The following LIMA1 variants were observed in gnomAD, a reference collection of about 807,000 sequenced individuals.
LIMA1 encodes LIM domain and actin-binding protein 1.
A neutral mutation model predicts 62.6 loss-of-function variants in LIMA1; 52 were observed. The observed-to-expected ratio is 0.83, with a 90% CI of 0.67 to 1.05. The LOEUF is 1.05. LIMA1 is among the 50% of genes least tolerant of loss of function. The probability of loss-of-function intolerance (pLI) is 0.00; values close to 1 mark genes in which losing one functional copy is unlikely to be tolerated. For synonymous variants in LIMA1, 302 were observed against 317.8 expected (o/e 0.95, Z 0.53); for missense variants, 780 against 902.2 (o/e 0.86, Z 1.74).
chr12:50,233,449 G>T (rs1397111543), intron 2 of LIMA1, among the ~76,000 whole-genome samples: 1 of 152,134 alleles, frequency 6.6e-6, no homozygotes, highest in Non-Finnish European at 1.5e-5. Context: ...TAGTCACATT[G>T]CCTGTACATG....
chr12:50,234,936 G>A (rs12322688), intron 2 of LIMA1, among the ~76,000 whole-genome samples: 2 of 152,008 alleles, frequency 1.3e-5, no homozygotes, highest in African/African-American at 2.4e-5. Flanking sequence ...CCTTGAGCCA[G>A]GGAGGTTGAG....
chr12:50,228,897 T>G (rs1941569657), intron 3 of LIMA1, among the ~76,000 whole-genome samples: 1 of 152,236 alleles, frequency 6.6e-6, no homozygotes, highest in South Asian at 2.1e-4. Flanking sequence ...ATTTTTTACT[T>G]TTTGTAATAG....
intron 1 of LIMA1, among the ~76,000 whole-genome samples, chr12:50,275,753 CAG>C (rs1043632829): frequency 3.1e-4 from 47 of 152,252 alleles, no homozygotes; most frequent in African/African-American, 1.1e-3. Context: ...GTCCAGGAAA[CAG>C]AGAATTATTG....
intron 1 of LIMA1, among the ~76,000 whole-genome samples, chr12:50,271,339 A>C (rs1298962511): frequency 1.3e-5 from 2 of 152,162 alleles, no homozygotes; most frequent in Non-Finnish European, 2.9e-5. Context: ...GAACTTTCCT[A>C]ATCTTTTTTT....
At chr12:50,201,589 T>C (rs1327907969) in intron 6 of LIMA1, 2 of 906,394 alleles carry the variant, frequency 2.2e-6, no homozygotes, top group East Asian at 1.2e-4. Flanking sequence ...AATTAACTCA[T>C]CTATTACATC....
chr12:50,201,224 T>C, intron 6 of LIMA1: 1 of 1,047,274 alleles, frequency 9.5e-7, no homozygotes, highest in Non-Finnish European at 1.1e-6. Context: ...AATGCAAAGC[T>C]TGTGAGTTTT....
At chr12:50,183,668 G>A (rs530725217) in intron 9 of LIMA1, among the ~76,000 whole-genome samples, 10 of 151,818 alleles carry the variant, frequency 6.6e-5, no homozygotes, top group Non-Finnish European at 1.3e-4. Context: ...AAAATTAGCC[G>A]GGCATGGTGG....
rs1229122856 is a variant in LIMA1 at position 50,206,040 on chromosome 12, C to T, written c.659G>A (p.Ser220Asn). The change falls in exon 5 of 11, where the codon AGT becomes AAT. Residue 220 changes from serine (S) to asparagine (N), a missense_variant. Transcript: ENST00000341247. ...KILRAQSRSA[S>N]GRKISENSYS... ...GCTGTTTTCAGAGATCTTCCTTCCA[C>T]TTGCACTTCGGCTTTGGGCCCGGAG... 2 of 1,613,040 alleles carry T rather than the reference C, an allele frequency of 1.2e-6. No homozygotes were observed. Among genetic ancestry groups the T allele is most frequent in the South Asian group, 1.1e-5 (1 of 90,990 alleles).
At chr12:50,203,371 C>A (rs569262863) in intron 6 of LIMA1, among the ~76,000 whole-genome samples, 1 of 151,640 alleles carries the variant, frequency 6.6e-6, no homozygotes, top group South Asian at 2.1e-4. Flanking sequence ...AAGCACAGGA[C>A]AACGTAAAGG....
intron 9 of LIMA1, chr12:50,189,560 G>A (rs1940705704): frequency 6.6e-6 from 1 of 152,222 alleles, no homozygotes; most frequent in Non-Finnish European, 1.5e-5. Context: ...AACGAGTGAA[G>A]TAGCCCCTCA....
intron 4 of LIMA1, among the ~76,000 whole-genome samples, chr12:50,220,796 T>G (rs1941427795): frequency 6.6e-6 from 1 of 152,216 alleles, no homozygotes; most frequent in Non-Finnish European, 1.5e-5. Context: ...TCTAAAAACT[T>G]GAGAGGGAAG....
chr12:50,280,526 T>A (rs1942328939), intron 1 of LIMA1, among the ~76,000 whole-genome samples: 1 of 152,242 alleles, frequency 6.6e-6, no homozygotes, highest in Non-Finnish European at 1.5e-5. Flanking sequence ...TGGTATCATG[T>A]TAACTTCTTA....
chr12:50,268,594 AATTATT>A (rs140101130), intron 1 of LIMA1, among the ~76,000 whole-genome samples: 12 of 149,188 alleles, frequency 8.0e-5, no homozygotes, highest in South Asian at 4.3e-4. Flanking sequence ...GCCATGAAGC[AATTATT>A]ATTATTATTA....
Position 50,176,837 on chromosome 12 carries a change from C to T in LIMA1, c.*227G>A. ...GCCTTACAGCACTTATGCATATCAT[C>T]ACTGCTAAAATGAAGAATTTAAGTA... On this transcript the variant is annotated 3_prime_UTR_variant, in exon 11 of 11. Coordinates refer to ENST00000341247, the MANE Select transcript of LIMA1 (RefSeq NM_016357.5). 2.2e-6 allele frequency: 1 copy of T among 450,860 alleles called. No individual in the cohort carries two copies. Among genetic ancestry groups the T allele is most frequent in the South Asian group, 4.9e-5 (1 of 20,562 alleles). The allele number at this position is 450,860 out of a possible 1,614,324, so 27.9% of individuals were successfully genotyped here.
intron 8 of LIMA1, among the ~76,000 whole-genome samples, chr12:50,192,845 C>A (rs893454773): frequency 3.3e-5 from 5 of 152,198 alleles, no homozygotes; most frequent in African/African-American, 1.2e-4. Context: ...CTTCCTTGTG[C>A]CATTTGTCAT....
At chr12:50,255,863 T>C (rs929120643) in intron 1 of LIMA1, among the ~76,000 whole-genome samples, 1 of 152,132 alleles carries the variant, frequency 6.6e-6, no homozygotes, top group Non-Finnish European at 1.5e-5. Context: ...TAAATTCACA[T>C]TCTTGAACAT....
intron 8 of LIMA1, 130 bp downstream of exon 8, chr12:50,195,700 T>C: frequency 1.2e-6 from 1 of 842,106 alleles, no homozygotes; most frequent in Non-Finnish European, 1.8e-6. Flanking sequence ...ATTCAAGCAT[T>C]AGCCCTTAAA....
chr12:50,250,188 C>T lies in LIMA1; in HGVS notation c.-23-1414G>A, dbSNP rs1246659317. On this transcript the variant is annotated intron_variant, in intron 1 of 10. Coordinates refer to ENST00000341247, the MANE Select transcript of LIMA1 (RefSeq NM_016357.5). ...TAGCGCATGCCTATAATCCCAGCGA[C>T]TTGGGAGGCTGAGGCAGGAAAATTG... Among the ~76,000 whole-genome samples the T allele has an allele frequency of 1.8e-4, 27 of 149,186 alleles. No homozygotes were observed. In the Admixed American group the frequency reaches 1.8e-3, roughly 10 times the overall value.
intron 6 of LIMA1, chr12:50,201,210 T>C (rs758614413): frequency 4.7e-5 from 50 of 1,064,810 alleles, no homozygotes; most frequent in Non-Finnish European, 5.6e-5. Context: ...GCAGAGCTTG[T>C]GGTAATGCAA....
Sources: gnomAD v4.1 joint callset for allele counts (sites outside exome capture counted in the v4.1 genomes callset) on GRCh38, gnomAD v4.1.1 for gene constraint, MANE v1.5 for transcripts, NCBI Gene and HGNC (gene_info 2026-07-23, HGNC 2026-07-21) for gene names.